PCDHB5: variants seen among roughly 807,000 people sequenced by gnomAD.
PCDHB5 encodes protocadherin beta 5.
For synonymous variants in PCDHB5, 569 were observed against 462.2 expected (o/e 1.23, Z -2.96); for missense variants, 1,125 against 1,029.4 (o/e 1.09, Z -1.27).
At position 141,138,127 on chromosome 5, in the gene PCDHB5, C is replaced by T. The variant is rs1451586192; in HGVS notation, c.*305C>T. The T allele has an allele frequency of 3.6e-6, 1 of 280,280 alleles. No individual in the cohort carries two copies. The highest frequency in any genetic ancestry group is 7.0e-6 in the Non-Finnish European group (1 of 143,632). 17.4% of individuals were successfully genotyped at this position (280,280 alleles called of 1,614,324 possible). On this transcript the variant is annotated 3_prime_UTR_variant, in exon 1 of 1. Coordinates refer to ENST00000231134, the MANE Select transcript of PCDHB5 (RefSeq NM_015669.5). ...TAAAATCAAGTATTAATTTTATTTT[C>T]TATATATTCTGCCCATTCTATTTCA...
At position 141,136,827 on chromosome 5, in the gene PCDHB5, C is replaced by T. The variant is rs1398486739; in HGVS notation, c.1393C>T (p.Pro465Ser). 3 of 1,613,392 alleles carry T rather than the reference C, an allele frequency of 1.9e-6. No homozygotes were observed. Among genetic ancestry groups the T allele is most frequent in the East Asian group, 4.5e-5 (2 of 44,868 alleles). ...CCTGTTCGTCCGAGAGAACAACAGCCCCGCCCTGCACATCGGCAGTGTCAG... is the reference window on the plus strand; with the variant it reads ...CCTGTTCGTCCGAGAGAACAACAGCTCCGCCCTGCACATCGGCAGTGTCAG... ...YTLFVRENNS[P>S]ALHIGSVSAT... Residue 465 changes from proline to serine, a missense_variant, in exon 1 of 1, where the codon CCC (proline) becomes TCC (serine). Physicochemically the swap from Pro to Ser is moderately conservative, Grantham distance 74. Coordinates refer to ENST00000231134, the MANE Select transcript of PCDHB5 (RefSeq NM_015669.5).
At position 141,136,878 on chromosome 5, in the gene PCDHB5, A is replaced by G; in HGVS notation, c.1444A>G (p.Asn482Asp). 1.9e-6 allele frequency: 3 copies of G among 1,612,716 alleles called. No individual in the cohort carries two copies. Among genetic ancestry groups the G allele is most frequent in the Non-Finnish European group, 2.5e-6 (3 of 1,180,012 alleles). The change falls in exon 1 of 1, where the codon AAC becomes GAC. Residue 482 changes from asparagine (N) to aspartate (D), a missense_variant. Transcript: ENST00000231134. ...CGCCACAGACAGAGACTCAGGCACC[A>G]ACGCCCAGGTCACCTACTCGCTGCT... ...VSATDRDSGT[N>D]AQVTYSLLPP... is the part of the protein sequence containing the mutation.
rs782412124 is a variant in PCDHB5 at position 141,136,103 on chromosome 5, C to T, written c.669C>T (p.Ser223=). The part of the protein sequence containing the change: ...TALDGGAPPR[S]GTTTIRIVVL... Reference sequence around the variant, plus strand: ...TGGACGGTGGGGCTCCGCCCAGGTCCGGGACCACCACAATTCGCATTGTCG... The same window carrying T: ...TGGACGGTGGGGCTCCGCCCAGGTCTGGGACCACCACAATTCGCATTGTCG... The change falls in exon 1 of 1, where the codon TCC becomes TCT. Residue 223 remains serine, a synonymous_variant. Transcript: ENST00000231134. 9 of 1,614,122 alleles carry T rather than the reference C, an allele frequency of 5.6e-6. No homozygotes were observed. The highest frequency in any genetic ancestry group is 2.7e-5 in the African/African-American group (2 of 75,060).
In PCDHB5 at chr5:141,136,284, G is replaced by T; in HGVS notation, c.850G>T (p.Gly284Cys). Residue 284 changes from glycine (G) to cysteine (C), a missense_variant, in exon 1 of 1, where the codon GGC becomes TGC. Gly to Cys is a radical substitution (Grantham distance 159). Transcript: ENST00000231134. ...GAGTGTAGCCTATGCTCTATTCCAA[G>T]GCGATGAAGTTACTCAACCATTTGT... ...YGSVAYALFQ[G>C]DEVTQPFVID... The T allele has an allele frequency of 6.2e-7, 1 of 1,614,210 alleles. No individual in the cohort carries two copies. The highest frequency in any genetic ancestry group is 8.5e-7 in the Non-Finnish European group (1 of 1,180,034).
In PCDHB5 at chr5:141,137,869, T is replaced by C. The variant is rs1445440259; in HGVS notation, c.*47T>C. Reference sequence around the variant, plus strand: ...TTTTCTGCCATTTATCCCAAACTTTTTCAGATCTAGAATTCGAGAGTGTCA... The same window carrying C: ...TTTTCTGCCATTTATCCCAAACTTTCTCAGATCTAGAATTCGAGAGTGTCA... On this transcript the variant is annotated 3_prime_UTR_variant, in exon 1 of 1. Coordinates refer to ENST00000231134, the MANE Select transcript of PCDHB5 (RefSeq NM_015669.5). The C allele has an allele frequency of 2.0e-6, 3 of 1,503,762 alleles. No homozygotes were observed. Among genetic ancestry groups the C allele is most frequent in the Non-Finnish European group, 2.7e-6 (3 of 1,118,070 alleles). 93.2% of individuals were successfully genotyped at this position (1,503,762 alleles called of 1,614,324 possible).
chr5:141,137,684 C>T lies in PCDHB5; in HGVS notation c.2250C>T (p.Tyr750=), dbSNP rs374460300. Residue 750 remains tyrosine (Y), a synonymous_variant, in exon 1 of 1, where the codon TAC becomes TAT. Transcript: ENST00000231134. ...GGACCCTATCCCAGAGCTACCACTA[C>T]GAGGTGTGTTTGACCGGAGACTCAG... ...GTGTLSQSYH[Y]EVCLTGDSGA... 4 of 1,614,230 alleles carry T rather than the reference C, an allele frequency of 2.5e-6. No homozygotes were observed. The highest frequency in any genetic ancestry group is 3.3e-5 in the Admixed American group (2 of 60,030).
In PCDHB5 at chr5:141,135,353, T is replaced by C; in HGVS notation, c.-82T>C. Reference sequence around the variant, plus strand: ...TCTTGTGGAAATCAGTCAAGAAAGATCGGATTCGCGGTTATTTATGCAAAT... The same window carrying C: ...TCTTGTGGAAATCAGTCAAGAAAGACCGGATTCGCGGTTATTTATGCAAAT... On this transcript the variant is annotated 5_prime_UTR_variant, in exon 1 of 1. Transcript: ENST00000231134. 1 of 977,054 alleles carries C rather than the reference T, an allele frequency of 1.0e-6. No homozygotes were observed. Among genetic ancestry groups the C allele is most frequent in the Non-Finnish European group, 1.5e-6 (1 of 648,168 alleles). 60.5% of individuals were successfully genotyped at this position (977,054 alleles called of 1,614,324 possible).
chr5:141,137,715 G>C lies in PCDHB5; in HGVS notation c.2281G>C (p.Gly761Arg). 1 of 1,614,250 alleles carries C rather than the reference G, an allele frequency of 6.2e-7. No homozygotes were observed. Residue 761 changes from glycine to arginine, a missense_variant, in exon 1 of 1, where the codon GGC (glycine) becomes CGC (arginine). Gly to Arg is a moderately radical substitution (Grantham distance 125). Coordinates refer to ENST00000231134, the MANE Select transcript of PCDHB5 (RefSeq NM_015669.5). ...EVCLTGDSGA[G>R]EFKFLKPIIP... ...GTGTTTGACCGGAGACTCAGGGGCC[G>C]GCGAGTTCAAGTTCCTGAAGCCGAT...
At position 141,135,638 on chromosome 5, in the gene PCDHB5, C is replaced by A; in HGVS notation, c.204C>A (p.Tyr68Ter). 6.2e-7 allele frequency: 1 copy of A among 1,614,014 alleles called. No individual in the cohort carries two copies. Among genetic ancestry groups the A allele is most frequent in the Non-Finnish European group, 8.5e-7 (1 of 1,179,990 alleles). ...ELATRGARMH[Y>*]KGNKELLQLD... Reference sequence around the variant, plus strand: ...CCACTCGGGGCGCGCGAATGCATTACAAAGGAAACAAAGAGCTCTTGCAGC... The same window carrying A: ...CCACTCGGGGCGCGCGAATGCATTAAAAAGGAAACAAAGAGCTCTTGCAGC... The change falls in exon 1 of 1, where the codon TAC (tyrosine) becomes TAA (stop). Residue 68 changes from tyrosine to a stop codon, truncating the protein, a stop_gained. Transcript: ENST00000231134. LOFTEE classifies it low-confidence loss of function (END_TRUNC).
chr5:141,136,198 G>A lies in PCDHB5; in HGVS notation c.764G>A (p.Ser255Asn). ...SFYEVQVPEN[S>N]PLNSLVVVVS... Reference sequence around the variant, plus strand: ...TATGAGGTACAGGTGCCCGAGAACAGCCCCCTTAACTCCTTAGTTGTCGTT... The same window carrying A: ...TATGAGGTACAGGTGCCCGAGAACAACCCCCTTAACTCCTTAGTTGTCGTT... The change falls in exon 1 of 1, where the codon AGC becomes AAC. Residue 255 changes from serine to asparagine, a missense_variant. Coordinates refer to ENST00000231134, the MANE Select transcript of PCDHB5 (RefSeq NM_015669.5). 1.2e-6 allele frequency: 2 copies of A among 1,614,032 alleles called. No individual in the cohort carries two copies. The highest frequency in any genetic ancestry group is 1.7e-5 in the Admixed American group (1 of 60,006).
Position 141,136,716 on chromosome 5 carries a change from C to T in PCDHB5, c.1282C>T (p.Pro428Ser). The T allele has an allele frequency of 6.2e-7, 1 of 1,614,158 alleles. No individual in the cohort carries two copies. Among genetic ancestry groups the T allele is most frequent in the Non-Finnish European group, 8.5e-7 (1 of 1,180,022 alleles). ...CATCACTGTCACCGACATGGGGACA[C>T]CCAGGCTGAAAACCGAGCACAACAT... ...ITITVTDMGT[P>S]RLKTEHNITV... The change falls in exon 1 of 1, where the codon CCC (proline) becomes TCC (serine). Residue 428 changes from proline to serine, a missense_variant. Pro to Ser is a moderately conservative substitution (Grantham distance 74, BLOSUM62 -1). Transcript: ENST00000231134.
At position 141,136,261 on chromosome 5, in the gene PCDHB5, G is replaced by A. The variant is rs1752571537; in HGVS notation, c.827G>A (p.Ser276Asn). Residue 276 changes from serine (S) to asparagine (N), a missense_variant, in exon 1 of 1, where the codon AGT becomes AAT. Coordinates refer to ENST00000231134, the MANE Select transcript of PCDHB5 (RefSeq NM_015669.5). Reference sequence around the variant, plus strand: ...GATTTAGATGCAGGAGCATATGGGAGTGTAGCCTATGCTCTATTCCAAGGC... The same window carrying A: ...GATTTAGATGCAGGAGCATATGGGAATGTAGCCTATGCTCTATTCCAAGGC... ...ARDLDAGAYG[S>N]VAYALFQGDE... is the part of the protein sequence containing the mutation. 6.2e-7 allele frequency: 1 copy of A among 1,613,996 alleles called. No individual in the cohort carries two copies. Among genetic ancestry groups the A allele is most frequent in the Non-Finnish European group, 8.5e-7 (1 of 1,179,838 alleles).
chr5:141,138,018 G>A lies in PCDHB5; in HGVS notation c.*196G>A. The stretch of plus-strand genomic sequence containing the variant: ...ATTTCATTGCATTTATTTACATAGT[G>A]TCATTCCAAATCCATGCATGCTGTT... On this transcript the variant is annotated 3_prime_UTR_variant, in exon 1 of 1. Transcript: ENST00000231134. The A allele has an allele frequency of 1.7e-6, 1 of 573,404 alleles. No individual in the cohort carries two copies. The highest frequency in any genetic ancestry group is 3.6e-5 in the Admixed American group (1 of 27,636). The allele number at this position is 573,404 out of a possible 1,614,324, so 35.5% of individuals were successfully genotyped here.
rs1409964215 is a variant in PCDHB5, at chr5:141,136,106, G to T, written c.672G>T (p.Gly224=). The change falls in exon 1 of 1, where the codon GGG becomes GGT. Residue 224 remains glycine (G), a synonymous_variant. Transcript: ENST00000231134. ...ACGGTGGGGCTCCGCCCAGGTCCGG[G>T]ACCACCACAATTCGCATTGTCGTCT... ...ALDGGAPPRS[G]TTTIRIVVLD... 3 of 1,613,992 alleles carry T rather than the reference G, an allele frequency of 1.9e-6. No homozygotes were observed.
In PCDHB5 at chr5:141,137,799, C is replaced by G. The variant is rs1483656750; in HGVS notation, c.2365C>G (p.Arg789Gly). 7 of 1,607,620 alleles carry G rather than the reference C, an allele frequency of 4.4e-6. No homozygotes were observed. Among genetic ancestry groups the G allele is most frequent in the East Asian group, 2.2e-5 (1 of 44,812 alleles). ...GEEIGKTAAF[R>G]NSFGLN ...AGAAATAGGGAAAACTGCTGCCTTC[C>G]GGAATAGCTTTGGATTAAATTAGAG... is the stretch of plus-strand genomic sequence containing the variant. Residue 789 changes from arginine (R) to glycine (G), a missense_variant, in exon 1 of 1, where the codon CGG (arginine) becomes GGG (glycine). Transcript: ENST00000231134.
In PCDHB5 at chr5:141,137,340, A is replaced by T; in HGVS notation, c.1906A>T (p.Lys636Ter). The T allele has an allele frequency of 6.2e-7, 1 of 1,609,962 alleles. No homozygotes were observed. The highest frequency in any genetic ancestry group is 8.5e-7 in the Non-Finnish European group (1 of 1,179,546). ...GCTGCTGAGCGAGCGCGACGCGGCC[A>T]AGCACAGGCTGGTGGTGCTGGTCAA... ...ARLLSERDAA[K>*]HRLVVLVKDN... Residue 636 changes from lysine to a stop codon, truncating the protein, a stop_gained, in exon 1 of 1, where the codon AAG (lysine) becomes TAG (stop). Coordinates refer to ENST00000231134, the MANE Select transcript of PCDHB5 (RefSeq NM_015669.5). LOFTEE classifies it low-confidence loss of function (END_TRUNC).
In PCDHB5 at chr5:141,137,601, C is replaced by A. The variant is rs142507274; in HGVS notation, c.2167C>A (p.Arg723Ser). The change falls in exon 1 of 1, where the codon CGC becomes AGC. Residue 723 changes from arginine to serine, a missense_variant. Physicochemically the swap from Arg to Ser is moderately radical, Grantham distance 110. Transcript: ENST00000231134. ...CRRSRAAPVG[R>S]CSVPEGPFPG... ...GAGGAGCAGGGCGGCCCCGGTCGGTCGCTGCTCGGTGCCCGAGGGCCCCTT... is the reference window on the plus strand; with the variant it reads ...GAGGAGCAGGGCGGCCCCGGTCGGTAGCTGCTCGGTGCCCGAGGGCCCCTT... 8.3e-5 allele frequency: 134 copies of A among 1,613,254 alleles called. No individual in the cohort carries two copies. The Middle Eastern group carries it at 1.1e-3, about 14-fold the overall frequency.
Position 141,137,470 on chromosome 5 carries a change from A to G in PCDHB5, c.2036A>G (p.Gln679Arg). The G allele has an allele frequency of 6.2e-7, 1 of 1,612,374 alleles. No individual in the cohort carries two copies. Among genetic ancestry groups the G allele is most frequent in the Non-Finnish European group, 8.5e-7 (1 of 1,179,672 alleles). Residue 679 changes from glutamine to arginine, a missense_variant, in exon 1 of 1, where the codon CAG becomes CGG. By Grantham distance (43) the Gln-to-Arg change is conservative. Coordinates refer to ENST00000231134, the MANE Select transcript of PCDHB5 (RefSeq NM_015669.5). ...YLPLPEAAPA[Q>R]AQADSLTVYL... Reference sequence around the variant, plus strand: ...CCGCTGCCGGAGGCGGCCCCGGCCCAGGCCCAGGCCGACTCGCTCACTGTC... The same window carrying G: ...CCGCTGCCGGAGGCGGCCCCGGCCCGGGCCCAGGCCGACTCGCTCACTGTC...
Position 141,136,291 on chromosome 5 carries a change from A to C in PCDHB5, c.857A>C (p.Glu286Ala). Reference sequence around the variant, plus strand: ...GCCTATGCTCTATTCCAAGGCGATGAAGTTACTCAACCATTTGTAATAGAC... The same window carrying C: ...GCCTATGCTCTATTCCAAGGCGATGCAGTTACTCAACCATTTGTAATAGAC... ...SVAYALFQGDEVTQPFVIDEK... is the reference protein window; with the variant it reads ...SVAYALFQGDAVTQPFVIDEK... Residue 286 changes from glutamate (E) to alanine (A), a missense_variant, in exon 1 of 1, where the codon GAA becomes GCA. Coordinates refer to ENST00000231134, the MANE Select transcript of PCDHB5 (RefSeq NM_015669.5). 6.2e-7 allele frequency: 1 copy of C among 1,614,228 alleles called. No individual in the cohort carries two copies. The highest frequency in any genetic ancestry group is 8.5e-7 in the Non-Finnish European group (1 of 1,180,044).
Sources: allele counts gnomAD v4.1 joint callset, GRCh38; gene constraint gnomAD v4.1.1; transcripts MANE v1.5; gene names NCBI Gene and HGNC (gene_info 2026-07-23, HGNC 2026-07-21).